GARNL3: variants seen among roughly 807,000 people sequenced by gnomAD.
The protein encoded by GARNL3 is GTPase-activating Rap/Ran-GAP domain-like protein 3.
Under a neutral mutation model 125.0 loss-of-function variants are expected in GARNL3, and 63 were observed. The ratio of observed to expected loss-of-function variants is 0.50; its 90% confidence interval spans 0.41 to 0.62. GARNL3 has a LOEUF of 0.62. Among genes scored for constraint, GARNL3 ranks in the 20% least tolerant of loss-of-function variants. GARNL3 has a pLI of 0.00. For missense variants in GARNL3, 994 were observed against 1,244.0 expected (o/e 0.80, Z 3.02); for synonymous variants, 439 against 457.5 (o/e 0.96, Z 0.52).
intron 1 of GARNL3, among the ~76,000 whole-genome samples, chr9:127,236,242 A>G (rs1425814636): frequency 1.3e-5 from 2 of 152,234 alleles, no homozygotes; most frequent in African/African-American, 4.8e-5. Context: ...AAGGAGCAGT[A>G]AAAAATGTTA....
chr9:127,291,029 A>C, intron 1 of GARNL3, 139 bp from the exon 2 acceptor site: 1 of 768,266 alleles, frequency 1.3e-6, no homozygotes. Context: ...CCTGCCTGAT[A>C]GAGCTTTAAA....
At chr9:127,263,581 C>T (rs2063637871), upstream of GARNL3, 5 of 556,842 alleles carry the variant, frequency 9.0e-6, no homozygotes, top group South Asian at 3.2e-4. Flanking sequence ...GCGTAGAGGA[C>T]ATATTTAATA....
At position 127,233,911 on chromosome 9, in the gene GARNL3, T is replaced by C. The variant is rs575629616; in HGVS notation, c.-28-9168T>C. ...TTAGAGTTTGTTTTTCTTGTAGTTT[T>C]CCAGACTTTCTTTTTTTCAGGTAGT... is the stretch of plus-strand genomic sequence containing the variant. On this transcript the variant is annotated intron_variant, in intron 1 of 10. Coordinates refer to the GARNL3 transcript ENST00000439286. Among the ~76,000 whole-genome samples, 9 of 152,340 alleles carry C rather than the reference T, an allele frequency of 5.9e-5. No individual in the cohort carries two copies. In the South Asian group the frequency reaches 1.2e-3, roughly 21 times the overall value.
intron 1 of GARNL3, among the ~76,000 whole-genome samples, chr9:127,290,552 T>C (rs1588768919): frequency 6.6e-6 from 1 of 152,234 alleles, no homozygotes; most frequent in African/African-American, 2.4e-5. Flanking sequence ...AGTTAAATCT[T>C]GAGTCAGTAA....
rs1278442690 is a variant in GARNL3 at position 127,354,336 on chromosome 9, A to G, written c.1685A>G (p.Gln562Arg). Residue 562 changes from glutamine to arginine, a missense_variant, in exon 19 of 28, where the codon CAA becomes CGA. Gln to Arg is a conservative substitution (Grantham distance 43, BLOSUM62 1). Around this residue, in one of 5 missense-constraint regions of GARNL3, gnomAD observed 728 missense variants for 865.7 expected, o/e 0.84. Coordinates refer to ENST00000373387, the MANE Select transcript of GARNL3 (RefSeq NM_032293.5). ...TTTGTCTTCAGGCTAAGTGCTCTGC[A>G]AAAGGGCCTTGAGGGGAAGCAGGCT... ...RLFVFRLSAL[Q>R]KGLEGKQAGK... 1 of 1,613,976 alleles carries G rather than the reference A, an allele frequency of 6.2e-7. No homozygotes were observed. The highest frequency in any genetic ancestry group is 8.5e-7 in the Non-Finnish European group (1 of 1,179,890).
intron 22 of GARNL3, among the ~76,000 whole-genome samples, chr9:127,374,031 G>A (rs1831751308): frequency 6.6e-6 from 1 of 151,946 alleles, no homozygotes; most frequent in South Asian, 2.1e-4. Flanking sequence ...GCTGGGTGCG[G>A]TGCTTCACGC....
intron 1 of GARNL3, among the ~76,000 whole-genome samples, chr9:127,277,071 C>G (rs983488490): frequency 6.6e-6 from 1 of 152,226 alleles, no homozygotes; most frequent in Non-Finnish European, 1.5e-5. Flanking sequence ...CTGTTACAGG[C>G]TGCTCCAGTG....
At position 127,243,147 on chromosome 9, in the gene GARNL3, C is replaced by G. The variant is rs763287252; in HGVS notation, c.41C>G (p.Ala14Gly). 6 of 1,365,982 alleles carry G rather than the reference C, an allele frequency of 4.4e-6. No individual in the cohort carries two copies. The South Asian group carries it at 5.7e-5, about 13-fold the overall frequency. 84.6% of individuals were successfully genotyped at this position (1,365,982 alleles called of 1,614,324 possible). ...AAGGTGCCTTGTGGGAGTCAGATAG[C>G]ACAAACCATTCTATGGAAAGCAAAG... The change falls in exon 2 of 11, where the codon GCA (alanine) becomes GGA (glycine). Residue 14 changes from alanine to glycine, a missense_variant. Physicochemically the swap from Ala to Gly is moderately conservative, Grantham distance 60. Transcript: ENST00000439286.
chr9:127,333,002 A>G (rs749539820), intron 8 of GARNL3, 21 bp from the exon 9 acceptor site: 4 of 1,559,314 alleles, frequency 2.6e-6, no homozygotes, highest in Non-Finnish European at 3.5e-6. Flanking sequence ...TACTTTCCTC[A>G]TACTCTACTT....
intron 5 of GARNL3, among the ~76,000 whole-genome samples, chr9:127,318,521 A>T (rs147906677): frequency 1.9e-4 from 29 of 152,354 alleles, no homozygotes; most frequent in African/African-American, 7.0e-4. Context: ...AAAGATAATC[A>T]AGAAATATTT....
intron 1 of GARNL3, among the ~76,000 whole-genome samples, chr9:127,283,386 C>A (rs557593943): frequency 2.3e-4 from 35 of 152,302 alleles, no homozygotes; most frequent in African/African-American, 8.2e-4. Context: ...AAAATTAAAT[C>A]TAGGCTGGGC....
At chr9:127,343,099 A>G (rs1829956513) in intron 14 of GARNL3, among the ~76,000 whole-genome samples, 1 of 151,818 alleles carries the variant, frequency 6.6e-6, no homozygotes, top group African/African-American at 2.4e-5. Context: ...GGGTTTCTCC[A>G]TGGTAGTCAG....
At chr9:127,335,702 AT>A (rs1564152070) in intron 10 of GARNL3, among the ~76,000 whole-genome samples, 1 of 151,934 alleles carries the variant, frequency 6.6e-6, no homozygotes, top group Non-Finnish European at 1.5e-5. Context: ...TTGAGAGACT[AT>A]TTTGTATAGG....
At chr9:127,344,809 C>T (rs996376181) in intron 15 of GARNL3, among the ~76,000 whole-genome samples, 2 of 152,154 alleles carry the variant, frequency 1.3e-5, no homozygotes, top group Admixed American at 6.5e-5. Flanking sequence ...CCCAGTCATC[C>T]CCTTATTCCA....
At chr9:127,248,692 C>T (rs1268363144) in intron 2 of GARNL3, among the ~76,000 whole-genome samples, 1 of 140,814 alleles carries the variant, frequency 7.1e-6, no homozygotes, top group Non-Finnish European at 1.5e-5. Context: ...ACTGCAGCCT[C>T]CATTTCCTGG....
intron 9 of GARNL3, 91 bp from the exon 10 acceptor site, chr9:127,335,139 G>C: frequency 1.1e-6 from 1 of 870,518 alleles, no homozygotes; most frequent in Non-Finnish European, 1.9e-6. Flanking sequence ...AGAATGTCCT[G>C]TATACAGTAT....
intron 19 of GARNL3, 28 bp downstream of exon 19, chr9:127,354,438 T>C: frequency 7.3e-7 from 1 of 1,367,308 alleles, no homozygotes; most frequent in South Asian, 1.3e-5. Flanking sequence ...TAGATTCCAT[T>C]CGATTCGTTT....
intron 2 of GARNL3, among the ~76,000 whole-genome samples, chr9:127,308,750 A>G (rs1202247263): frequency 6.6e-6 from 1 of 152,236 alleles, no homozygotes; most frequent in Admixed American, 6.5e-5. Context: ...AAAAGTTGAT[A>G]AAGCTCTACT....
Position 127,390,786 on chromosome 9 carries a change from C to A in GARNL3, c.2870+19C>A. On this transcript the variant is annotated intron_variant, in intron 27 of 27. Transcript: ENST00000373387. ...GTGACAGGTAAAGAGAGGGAGAGGC[C>A]CCTGCTTGGGGTGGTGGACCTATGA... 1 of 1,609,716 alleles carries A rather than the reference C, an allele frequency of 6.2e-7. No individual in the cohort carries two copies. The highest frequency in any genetic ancestry group is 8.5e-7 in the Non-Finnish European group (1 of 1,177,912).
Sources: gnomAD v4.1 joint callset for allele counts (sites outside exome capture counted in the v4.1 genomes callset) on GRCh38, gnomAD v4.1.1 for gene constraint, gnomAD v4.1.1 regional missense constraint, MANE v1.5 for transcripts, NCBI Gene and HGNC (gene_info 2026-07-23, HGNC 2026-07-21) for gene names.